Variants in PCDH19 observed in about 807,000 individuals in gnomAD.
PCDH19 encodes the protein protocadherin 19.
In PCDH19, 6 loss-of-function variants were observed where a neutral mutation model predicts 46.2. The ratio of observed to expected loss-of-function variants is 0.13; its 90% CI spans 0.07 to 0.26. The LOEUF (loss-of-function observed/expected upper bound fraction) is 0.26, where lower values mean the gene tolerates loss of function less well. PCDH19 is among the 10% of genes least tolerant of loss of function. PCDH19 has a pLI of 1.00. For missense variants in PCDH19, 740 were observed against 972.3 expected (o/e 0.76, Z 3.18); for synonymous variants, 481 against 415.7 (o/e 1.16, Z -1.91).
At chrX:100,404,163 T>G (rs1390591425) in intron 1 of PCDH19, among the ~76,000 whole-genome samples, 2 of 111,334 alleles carry the variant, frequency 1.8e-5, no homozygotes, top group Non-Finnish European at 3.8e-5. Context: ...CTCCTGAACT[T>G]TAGGTTTCTA....
chrX:100,376,235 C>CAAAAA (rs1171817638), intron 3 of PCDH19, among the ~76,000 whole-genome samples: 32 of 31,567 alleles, frequency 1.0e-3, no homozygotes, highest in East Asian at 3.6e-3. Flanking sequence ...AACTCCGTCT[C>CAAAAA]AAAAAAAAAA....
chrX:100,341,893 C>A lies in PCDH19; in HGVS notation c.2848+10G>T. On this transcript the variant is annotated intron_variant, in intron 5 of 5. Transcript: ENST00000373034. ...TCGATTGCTGCAACTTACATCCAAC[C>A]AGTCCTTACCATGATCAGGCATCTG... is the stretch of plus-strand genomic sequence containing the variant. 8.3e-7 allele frequency: 1 copy of A among 1,207,534 alleles called. No individual in the cohort carries two copies. The highest frequency in any genetic ancestry group is 1.7e-5 in the African/African-American group (1 of 57,738).
chrX:100,382,872 T>C (rs1436351172), intron 3 of PCDH19, among the ~76,000 whole-genome samples: 1 of 111,725 alleles, frequency 9.0e-6, no homozygotes, highest in Non-Finnish European at 1.9e-5. Flanking sequence ...GGTGTCACAG[T>C]AAGGAACAAT....
At chrX:100,371,136 C>T (rs956866453) in intron 3 of PCDH19, among the ~76,000 whole-genome samples, 2 of 111,017 alleles carry the variant, frequency 1.8e-5, no homozygotes, top group Non-Finnish European at 3.8e-5. Flanking sequence ...CACAAATTCA[C>T]AGATCCCTAG....
At chrX:100,326,360 G>A (rs1925694956) in intron 5 of PCDH19, among the ~76,000 whole-genome samples, 1 of 112,259 alleles carries the variant, frequency 8.9e-6, no homozygotes, top group South Asian at 3.7e-4. Flanking sequence ...TAGAAAAAAA[G>A]AATAGAAGGG....
intron 3 of PCDH19, among the ~76,000 whole-genome samples, chrX:100,381,965 C>T (rs922008407): frequency 1.8e-5 from 2 of 110,819 alleles, no homozygotes; most frequent in African/African-American, 3.3e-5. Flanking sequence ...TTTAATTATA[C>T]GTGCATGGAT....
rs758658173 is a variant in PCDH19, at chrX:100,406,936, G to A, written c.1662C>T (p.Leu554=). 8 of 1,209,942 alleles carry A rather than the reference G, an allele frequency of 6.6e-6. No individual in the cohort carries two copies. The highest frequency in any genetic ancestry group is 1.8e-5 in the South Asian group (1 of 56,796). ...TGACCGGGGTGTTGTCGTTGACGTC[G>A]AGGATGATGACCCGCACCGTAGCGT... The part of the protein sequence containing the change: ...QSNATVRVII[L]DVNDNTPVIT... The change falls in exon 1 of 6, where the codon CTC becomes CTT. Residue 554 remains leucine, a synonymous_variant. Coordinates refer to ENST00000373034, the MANE Select transcript of PCDH19 (RefSeq NM_001184880.2).
chrX:100,392,422 C>T (rs1247881952), intron 3 of PCDH19, among the ~76,000 whole-genome samples: 1 of 111,601 alleles, frequency 9.0e-6, no homozygotes, highest in Non-Finnish European at 1.9e-5. Flanking sequence ...TTCCAAAAAG[C>T]CATAACTACC....
chrX:100,371,424 T>C (rs1927221347), intron 3 of PCDH19, among the ~76,000 whole-genome samples: 1 of 111,521 alleles, frequency 9.0e-6, no homozygotes, highest in African/African-American at 3.3e-5. Flanking sequence ...CAAGTGTGTT[T>C]TGTCCTTAAA....
intron 3 of PCDH19, among the ~76,000 whole-genome samples, chrX:100,400,018 A>C (rs1367652602): frequency 1.8e-5 from 2 of 111,645 alleles, no homozygotes; most frequent in African/African-American, 6.5e-5. Flanking sequence ...TTTCATAGAC[A>C]CCAGAACTCA....
At chrX:100,403,394 T>G (rs1928252608) in intron 2 of PCDH19, 130 bp downstream of exon 2, 1 of 592,021 alleles carries the variant, frequency 1.7e-6, no homozygotes, top group Admixed American at 3.1e-5. Context: ...CAGACCCCAT[T>G]CTTTCGCGTC....
intron 3 of PCDH19, among the ~76,000 whole-genome samples, chrX:100,381,375 T>C (rs2061264755): frequency 8.9e-6 from 1 of 112,199 alleles, no homozygotes; most frequent in South Asian, 3.7e-4. Context: ...CAGTATAATA[T>C]GACAAACTGA....
At chrX:100,366,631 T>A (rs1210224795) in intron 3 of PCDH19, among the ~76,000 whole-genome samples, 2 of 112,343 alleles carry the variant, frequency 1.8e-5, no homozygotes, top group Non-Finnish European at 3.8e-5. Context: ...AATTGTGGTA[T>A]AAACAAGGTT....
intron 5 of PCDH19, among the ~76,000 whole-genome samples, chrX:100,335,925 T>C (rs1926072438): frequency 8.9e-6 from 1 of 111,946 alleles, no homozygotes; most frequent in Admixed American, 9.5e-5. Context: ...CTAGGTATAT[T>C]TGCAAGAGGA....
rs1174620986 is a variant in PCDH19 at position 100,342,083 on chromosome X, G to A, written c.2676-8C>T. On this transcript the variant is annotated splice_polypyrimidine_tract_variant and splice_region_variant and intron_variant, in intron 4 of 5. Coordinates refer to ENST00000373034, the MANE Select transcript of PCDH19 (RefSeq NM_001184880.2). ...TCCTTGAAGGTGGAGCTGCTGGGTTGAAGACAGAATGATAATTTACGACCG... is the reference window on the plus strand; with the variant it reads ...TCCTTGAAGGTGGAGCTGCTGGGTTAAAGACAGAATGATAATTTACGACCG... 1.7e-6 allele frequency: 2 copies of A among 1,199,691 alleles called. No individual in the cohort carries two copies. Among genetic ancestry groups the A allele is most frequent in the Non-Finnish European group, 2.3e-6 (2 of 885,758 alleles).
intron 5 of PCDH19, among the ~76,000 whole-genome samples, chrX:100,338,462 C>T (rs1363764608): frequency 3.0e-5 from 3 of 101,505 alleles, no homozygotes; most frequent in Non-Finnish European, 4.0e-5. Context: ...GCAGAAGTTG[C>T]AGTGAGTAGA....
chrX:100,340,725 T>C (rs1292136955), intron 5 of PCDH19, among the ~76,000 whole-genome samples: 1 of 112,201 alleles, frequency 8.9e-6, no homozygotes, highest in Non-Finnish European at 1.9e-5. Flanking sequence ...GACAATTTAA[T>C]AGAATCTACA....
At chrX:100,321,627 T>A (rs765898634) in intron 5 of PCDH19, among the ~76,000 whole-genome samples, 1 of 110,331 alleles carries the variant, frequency 9.1e-6, no homozygotes, top group Non-Finnish European at 1.9e-5. Flanking sequence ...GTTTGTTTGT[T>A]TCTCATTGAT....
chrX:100,408,094 G>A lies in PCDH19; in HGVS notation c.504C>T (p.Leu168=). ...SGSFGVQTYE[L]TPNELFGLEI... Reference sequence around the variant, plus strand: ...CCAGGCCGAACAGCTCGTTGGGCGTGAGCTCGTAAGTCTGCACGCCAAAGC... The same window carrying A: ...CCAGGCCGAACAGCTCGTTGGGCGTAAGCTCGTAAGTCTGCACGCCAAAGC... Residue 168 remains leucine, a synonymous_variant, in exon 1 of 6, where the codon CTC becomes CTT. Transcript: ENST00000373034. The A allele has an allele frequency of 1.7e-6, 2 of 1,210,411 alleles. No homozygotes were observed. Among genetic ancestry groups the A allele is most frequent in the Non-Finnish European group, 2.2e-6 (2 of 895,664 alleles).
Sources: gnomAD v4.1 joint callset for allele counts (sites outside exome capture counted in the v4.1 genomes callset) on GRCh38, gnomAD v4.1.1 for gene constraint, MANE v1.5 for transcripts, NCBI Gene and HGNC (gene_info 2026-07-23, HGNC 2026-07-21) for gene names.